The following MYRFL variants were observed in gnomAD, a reference collection of about 807,000 sequenced individuals.
MYRFL encodes myelin regulatory factor-like protein.
A neutral mutation model predicts 109.4 loss-of-function variants in MYRFL; 88 were observed. The ratio of observed to expected loss-of-function variants is 0.80; its 90% CI spans 0.68 to 0.96. The LOEUF (loss-of-function observed/expected upper bound fraction) is 0.96, where lower values mean the gene tolerates loss of function less well. Ranked by LOEUF, MYRFL falls within the 40% of genes least tolerant of loss-of-function variation. The pLI, the probability that MYRFL is intolerant of heterozygous loss-of-function variation, is 0.00. For missense variants in MYRFL, 957 were observed against 954.9 expected (o/e 1.00, Z -0.03); for synonymous variants, 324 against 320.9 (o/e 1.01, Z -0.10).
At chr12:69,881,500 C>T (rs935394461) in intron 5 of MYRFL, among the ~76,000 whole-genome samples, 2 of 152,202 alleles carry the variant, frequency 1.3e-5, no homozygotes, top group African/African-American at 4.8e-5. Flanking sequence ...GTCTCTCTTG[C>T]TGGGGCTGCT....
Position 69,825,244 on chromosome 12 carries a change from T to A in MYRFL, c.-274T>A. 1 of 605,868 alleles carries A rather than the reference T, an allele frequency of 1.7e-6. No individual in the cohort carries two copies. Among genetic ancestry groups the A allele is most frequent in the Non-Finnish European group, 3.0e-6 (1 of 337,084 alleles). The allele number at this position is 605,868 out of a possible 1,614,324, so 37.5% of individuals were successfully genotyped here. On this transcript the variant is annotated 5_prime_UTR_variant, in exon 1 of 25. Coordinates refer to ENST00000552032, the MANE Select transcript of MYRFL (RefSeq NM_182530.3). ...CGAAAAGCAGAGTAGAAACAGTTCC[T>A]TATATTAAGACAGATGAATTTGCTA... is the stretch of plus-strand genomic sequence containing the variant.
chr12:69,832,576 G>A (rs961034909), intron 1 of MYRFL, among the ~76,000 whole-genome samples: 3 of 152,164 alleles, frequency 2.0e-5, no homozygotes, highest in Non-Finnish European at 4.4e-5. Flanking sequence ...TGACATTCAA[G>A]CTGAGACCTG....
chr12:69,841,225 C>T (rs939780605), intron 1 of MYRFL, among the ~76,000 whole-genome samples: 2 of 152,154 alleles, frequency 1.3e-5, no homozygotes, highest in African/African-American at 4.8e-5. Flanking sequence ...TAAACTCATG[C>T]TCCTTCCCCG....
At chr12:69,866,587 T>C (rs1319508722) in intron 2 of MYRFL, among the ~76,000 whole-genome samples, 2 of 152,166 alleles carry the variant, frequency 1.3e-5, no homozygotes, top group Non-Finnish European at 2.9e-5. Context: ...GACCTGGGTT[T>C]ACTACAAATC....
intron 19 of MYRFL, among the ~76,000 whole-genome samples, chr12:69,947,510 T>C (rs1955869061): frequency 6.6e-6 from 1 of 152,224 alleles, no homozygotes; most frequent in Non-Finnish European, 1.5e-5. Flanking sequence ...ATTGAGCTTC[T>C]ACTCTAAGGA....
intron 11 of MYRFL, among the ~76,000 whole-genome samples, chr12:69,906,415 TA>T: frequency 6.6e-6 from 1 of 151,984 alleles, no homozygotes; most frequent in Admixed American, 6.5e-5. Flanking sequence ...TGAGCAAAAC[TA>T]GGGGGGAAGG....
Position 69,958,335 on chromosome 12 carries a change from T to G in MYRFL, c.2646+12T>G, listed in dbSNP as rs1285947411. On this transcript the variant is annotated intron_variant, in intron 24 of 24. Transcript: ENST00000552032. ...GTGTAGCTGCACCGGTAAGCTTGCTTTTTCTTTTTCTTTTCAGTGAGAAAG... is the reference window on the plus strand; with the variant it reads ...GTGTAGCTGCACCGGTAAGCTTGCTGTTTCTTTTTCTTTTCAGTGAGAAAG... 6.5e-7 allele frequency: 1 copy of G among 1,533,166 alleles called. No individual in the cohort carries two copies. Among genetic ancestry groups the G allele is most frequent in the Non-Finnish European group, 8.7e-7 (1 of 1,145,922 alleles). The allele number at this position is 1,533,166 out of a possible 1,614,324, so 95.0% of individuals were successfully genotyped here. A position where few individuals can be genotyped will look rare whatever the true frequency, so the allele number is the denominator to read the frequency against.
intron 5 of MYRFL, among the ~76,000 whole-genome samples, chr12:69,880,951 G>GGTTTGTTTTTTTT (rs1555246956): frequency 8.9e-6 from 1 of 112,626 alleles, no homozygotes; most frequent in African/African-American, 3.2e-5. Flanking sequence ...CAGCCTTCCT[G>GGTTTGTTTTTTTT]TTTTTTTTTT....
At chr12:69,936,022 C>T in intron 16 of MYRFL, 91 bp from the exon 17 acceptor site, 2 of 1,425,428 alleles carry the variant, frequency 1.4e-6, no homozygotes, top group East Asian at 2.5e-5. Flanking sequence ...TGTGAGAGTA[C>T]ATCTCTGGCC....
chr12:69,829,520 G>A (rs1277219781), intron 1 of MYRFL, among the ~76,000 whole-genome samples: 2 of 152,048 alleles, frequency 1.3e-5, no homozygotes, highest in Admixed American at 6.6e-5. Flanking sequence ...TGGAAAAAGT[G>A]CCTGTATGAT....
chr12:69,906,010 C>T (rs1015938487), intron 11 of MYRFL, among the ~76,000 whole-genome samples: 1 of 152,158 alleles, frequency 6.6e-6, no homozygotes, highest in South Asian at 2.1e-4. Flanking sequence ...GGACTGGAAG[C>T]AATTTCTTAT....
chr12:69,879,977 A>G (rs978846063), intron 4 of MYRFL, among the ~76,000 whole-genome samples: 19 of 152,140 alleles, frequency 1.2e-4, no homozygotes, highest in African/African-American at 4.6e-4. Flanking sequence ...CCCTGTCTCA[A>G]TGAGTCCTCT....
At chr12:69,886,477 T>C (rs1302240919) in intron 5 of MYRFL, among the ~76,000 whole-genome samples, 1 of 152,160 alleles carries the variant, frequency 6.6e-6, no homozygotes, top group African/African-American at 2.4e-5. Context: ...GTACTTTGGT[T>C]GATTGAGCTG....
chr12:69,829,717 G>C (rs1391599476), intron 1 of MYRFL, among the ~76,000 whole-genome samples: 2 of 152,130 alleles, frequency 1.3e-5, no homozygotes, highest in African/African-American at 4.8e-5. Context: ...GAACAGAGAT[G>C]TTGATAGAAT....
rs889739508 is a variant in MYRFL at position 69,954,698 on chromosome 12, T to A, written c.2376-665T>A. Among the ~76,000 whole-genome samples the A allele has an allele frequency of 3.3e-5, 5 of 152,192 alleles. No homozygotes were observed. In the East Asian group the frequency reaches 9.6e-4, roughly 29 times the overall value. On this transcript the variant is annotated intron_variant, in intron 21 of 24. Coordinates refer to ENST00000552032, the MANE Select transcript of MYRFL (RefSeq NM_182530.3). The stretch of plus-strand genomic sequence containing the variant: ...TTTTTCCATGTAATTCAAGGGATGG[T>A]CAGGTAATAAGGAGAACTTGTTTTA...
rs577996389 is a variant in MYRFL, at chr12:69,878,162, G to A, written c.138-866G>A. 2.0e-5 allele frequency among the ~76,000 whole-genome samples: 3 copies of A among 148,774 alleles called. No individual in the cohort carries two copies. In the South Asian group the frequency reaches 6.3e-4, roughly 31 times the overall value. On this transcript the variant is annotated intron_variant, in intron 2 of 24. Coordinates refer to ENST00000552032, the MANE Select transcript of MYRFL (RefSeq NM_182530.3). ...GGAGGCTGAGTCAGGATAATCACTT[G>A]AACCTGGGAGGTGGAGGTTGCAGTG... is the stretch of plus-strand genomic sequence containing the variant.
chr12:69,843,244 A>C (rs1883346923), intron 1 of MYRFL, among the ~76,000 whole-genome samples: 1 of 152,156 alleles, frequency 6.6e-6, no homozygotes, highest in African/African-American at 2.4e-5. Context: ...TTTCTGCTCC[A>C]GTTTTTCATG....
intron 19 of MYRFL, among the ~76,000 whole-genome samples, chr12:69,938,240 C>A (rs1387265218): frequency 6.6e-6 from 1 of 152,212 alleles, no homozygotes; most frequent in Admixed American, 6.5e-5. Context: ...GCACATGGAA[C>A]CTTGTGGCTG....
chr12:69,876,385 T>C (rs1592739243), intron 2 of MYRFL, among the ~76,000 whole-genome samples: 2 of 152,298 alleles, frequency 1.3e-5, no homozygotes, highest in East Asian at 1.9e-4. Flanking sequence ...TTTTGTTTTG[T>C]TTTTGTTTTT....
Sources: allele counts gnomAD v4.1 joint callset (sites outside exome capture counted in the v4.1 genomes callset), GRCh38; gene constraint gnomAD v4.1.1; transcripts MANE v1.5; gene names NCBI Gene and HGNC (gene_info 2026-07-23, HGNC 2026-07-21).